LINGO2: variants seen among roughly 807,000 people sequenced by gnomAD.
LINGO2 encodes leucine rich repeat and Ig domain containing 2, also known as leucine-rich repeat and immunoglobulin-like domain-containing nogo receptor-interacting protein 2.
LINGO2 carries 14 observed loss-of-function variants against 30.6 expected under a neutral mutation model. The observed-to-expected ratio is 0.46, with a 90% CI of 0.30 to 0.72. The LOEUF (loss-of-function observed/expected upper bound fraction) is 0.72. LINGO2 is among the 30% of genes least tolerant of loss of function. The probability of loss-of-function intolerance (pLI) is 0.07; values close to 1 mark genes in which losing one functional copy is unlikely to be tolerated. For synonymous variants in LINGO2, 317 were observed against 288.5 expected, an observed-to-expected ratio of 1.10 and a Z score of -1.00; for missense variants, 729 against 751.7, an observed-to-expected ratio of 0.97 and a Z score of 0.35.
intron 4 of LINGO2, among the ~76,000 whole-genome samples, chr9:28,227,320 CT>C (rs1037480393): frequency 6.6e-6 from 1 of 151,946 alleles, no homozygotes; most frequent in Non-Finnish European, 1.5e-5. Context: ...CCATGGTCCC[CT>C]ATTATTTAGG....
At chr9:28,983,598 C>G in the LINGO2 span, among the ~76,000 whole-genome samples, 13 of 151,548 alleles carry the variant, frequency 8.6e-5, no homozygotes, top group Middle Eastern at 3.2e-3. Flanking sequence ...TGAACGGATC[C>G]TCAAAATAAT....
intron 2 of LINGO2, among the ~76,000 whole-genome samples, chr9:28,379,275 C>G (rs1475280712): frequency 6.6e-6 from 1 of 152,020 alleles, no homozygotes; most frequent in Non-Finnish European, 1.5e-5. Context: ...CTGCAAGAGA[C>G]TGAAAGCAGG....
At position 28,587,196 on chromosome 9, in the gene LINGO2, G is replaced by A. The variant is rs1824595535; in HGVS notation, c.-365+83004C>T. ...TGTTGGTGGGGATCAGCTGTTACTT[G>A]CCCCCAAGATCCCCTTCCCCTTCTG... On this transcript the variant is annotated intron_variant, in intron 1 of 5. Coordinates refer to ENST00000379992, the Ensembl canonical transcript of LINGO2. Among the ~76,000 whole-genome samples, 6 of 151,956 alleles carry A rather than the reference G, an allele frequency of 3.9e-5. No homozygotes were observed. In the South Asian group the frequency reaches 1.0e-3, roughly 26 times the overall value.
intron 1 of LINGO2, among the ~76,000 whole-genome samples, chr9:28,652,695 G>T (rs984009019): frequency 2.7e-5 from 4 of 150,920 alleles, no homozygotes; most frequent in African/African-American, 9.8e-5. Flanking sequence ...AGTAAGACAT[G>T]TTGCTGAAAT....
chr9:29,190,792 C>T, the LINGO2 span, among the ~76,000 whole-genome samples: 4 of 152,040 alleles, frequency 2.6e-5, no homozygotes, highest in Admixed American at 2.6e-4. Context: ...ATTAACTTTC[C>T]AAGCATTCCA....
the LINGO2 span, among the ~76,000 whole-genome samples, chr9:29,048,707 C>T: frequency 6.6e-6 from 1 of 152,186 alleles, no homozygotes; most frequent in African/African-American, 2.4e-5. Flanking sequence ...CAAGGATGTA[C>T]ACTGGAGAAA....
chr9:28,896,759 T>A, the LINGO2 span, among the ~76,000 whole-genome samples: 3 of 152,152 alleles, frequency 2.0e-5, no homozygotes, highest in Non-Finnish European at 4.4e-5. Flanking sequence ...ATGATACTTG[T>A]ATCATATTAA....
At chr9:28,388,707 T>C (rs181335663) in intron 2 of LINGO2, among the ~76,000 whole-genome samples, 42 of 152,326 alleles carry the variant, frequency 2.8e-4, no homozygotes, top group African/African-American at 8.7e-4. Context: ...TATTTCCTTG[T>C]GTATTTTGTG....
rs564328180 is a variant in LINGO2 at position 28,241,325 on chromosome 9, G to A, written c.-87+53883C>T. Among the ~76,000 whole-genome samples the A allele has an allele frequency of 8.6e-5, 13 of 151,422 alleles. No individual in the cohort carries two copies. In the South Asian group the frequency reaches 1.9e-3, roughly 22 times the overall value. On this transcript the variant is annotated intron_variant, in intron 4 of 5. Transcript: ENST00000379992. ...GAAAAAAAAAATCTAAGAATGTGGG[G>A]TGGGGCCAAGATAGCCAACTAGAAG...
At chr9:28,787,274 A>G in the LINGO2 span, among the ~76,000 whole-genome samples, 1 of 152,176 alleles carries the variant, frequency 6.6e-6, no homozygotes, top group East Asian at 1.9e-4. Flanking sequence ...GATCTTGTAC[A>G]CTACAAAAAC....
chr9:28,991,606 A>G, the LINGO2 span, among the ~76,000 whole-genome samples: 1 of 146,658 alleles, frequency 6.8e-6, no homozygotes, highest in Non-Finnish European at 1.5e-5. Context: ...TGTTAAGGGC[A>G]GCCAGAGAGA....
intron 1 of LINGO2, among the ~76,000 whole-genome samples, chr9:28,488,086 C>G (rs1826245201): frequency 6.6e-6 from 1 of 152,150 alleles, no homozygotes; most frequent in African/African-American, 2.4e-5. Flanking sequence ...AAATGACAGT[C>G]ATTTCTCTAG....
chr9:27,998,823 A>C (rs1447989473), intron 5 of LINGO2, among the ~76,000 whole-genome samples: 2 of 152,130 alleles, frequency 1.3e-5, no homozygotes, highest in Non-Finnish European at 2.9e-5. Context: ...GAATTCGAGT[A>C]AGAACTGCCC....
chr9:28,671,127 C>G (rs915617462), upstream of LINGO2, among the ~76,000 whole-genome samples: 1 of 152,004 alleles, frequency 6.6e-6, no homozygotes, highest in Non-Finnish European at 1.5e-5. Context: ...TATAGCATCC[C>G]TTTTCTACAT....
At chr9:28,591,599 T>G (rs1824914425) in intron 1 of LINGO2, among the ~76,000 whole-genome samples, 1 of 151,940 alleles carries the variant, frequency 6.6e-6, no homozygotes, top group African/African-American at 2.4e-5. Flanking sequence ...ACTCTTCTTG[T>G]GTGGGAGGTC....
At chr9:28,732,732 T>C in the LINGO2 span, among the ~76,000 whole-genome samples, 24 of 152,352 alleles carry the variant, frequency 1.6e-4, no homozygotes, top group African/African-American at 5.5e-4. Context: ...CAGTGCATTG[T>C]AACCATTTTT....
At chr9:28,156,909 T>C (rs964961827) in intron 4 of LINGO2, among the ~76,000 whole-genome samples, 2 of 152,224 alleles carry the variant, frequency 1.3e-5, no homozygotes, top group Non-Finnish European at 2.9e-5. Context: ...TTCCATGGTC[T>C]TGGGCAGCTC....
At chr9:29,009,296 G>T in the LINGO2 span, among the ~76,000 whole-genome samples, 1 of 152,162 alleles carries the variant, frequency 6.6e-6, no homozygotes, top group Non-Finnish European at 1.5e-5. Context: ...CATTGTCTCA[G>T]CCCAAAATCT....
At chr9:28,743,116 G>A in the LINGO2 span, among the ~76,000 whole-genome samples, 1 of 151,790 alleles carries the variant, frequency 6.6e-6, no homozygotes, top group Admixed American at 6.6e-5. Context: ...TGCTAGCAAT[G>A]GATTCTAACA....
Sources: allele counts gnomAD v4.1 joint callset (sites outside exome capture counted in the v4.1 genomes callset), GRCh38; gene constraint gnomAD v4.1.1; transcripts MANE v1.5; gene names NCBI Gene and HGNC (gene_info 2026-07-23, HGNC 2026-07-21).